The following NECTIN3 variants were observed in gnomAD, a reference collection of about 807,000 sequenced individuals.
NECTIN3 encodes the protein nectin cell adhesion molecule 3.
A neutral mutation model predicts 49.4 loss-of-function variants in NECTIN3; 8 were observed. The observed-to-expected ratio is 0.16, with a 90% CI of 0.10 to 0.29. The LOEUF (loss-of-function observed/expected upper bound fraction) is 0.29, where lower values mean the gene tolerates loss of function less well. NECTIN3 is among the 10% of genes least tolerant of loss of function. NECTIN3 has a pLI of 1.00. For missense variants in NECTIN3, 581 were observed against 654.6 expected, an observed-to-expected ratio of 0.89 and a Z score of 1.23; for synonymous variants, 277 against 241.1, an observed-to-expected ratio of 1.15 and a Z score of -1.38.
In NECTIN3 at chr3:111,154,681, C is replaced by G. The variant is rs114511898; in HGVS notation, c.1221+7197C>G. ...TCAGACATTAAAAATTTTAGATATT[C>G]TAATAGTTGTGTGGTTGTGTTTTAT... On this transcript the variant is annotated intron_variant, in intron 7 of 8. Transcript: ENST00000493615. Among the ~76,000 whole-genome samples, 684 of 152,172 alleles carry G rather than the reference C, an allele frequency of 4.5e-3. 6 individuals carry two copies. The highest frequency in any genetic ancestry group is 0.016 in the African/African-American group (661 of 41,514).
At position 111,165,278 on chromosome 3, in the gene NECTIN3, C is replaced by T. The variant is rs562137408; in HGVS notation, c.1221+17794C>T. ...CAGGATGGTCTCGATCTCCTGACCTCGTGATCCGCCCACCTCGGCCTCCCA... is the reference window on the plus strand; with the variant it reads ...CAGGATGGTCTCGATCTCCTGACCTTGTGATCCGCCCACCTCGGCCTCCCA... On this transcript the variant is annotated intron_variant, in intron 7 of 8. Transcript: ENST00000493615. 4.6e-5 allele frequency among the ~76,000 whole-genome samples: 7 copies of T among 152,112 alleles called. 1 individual carries two copies. In the South Asian group the frequency reaches 6.2e-4, roughly 14 times the overall value.
downstream of NECTIN3, among the ~76,000 whole-genome samples, chr3:111,138,138 TTAC>T (rs2034646087): frequency 6.6e-6 from 1 of 151,742 alleles, no homozygotes; most frequent in African/African-American, 2.4e-5. Context: ...TGTTTTTTAC[TTAC>T]TACTTTTTGT....
intron 5 of NECTIN3, among the ~76,000 whole-genome samples, chr3:111,144,353 T>C (rs2034823020): frequency 6.6e-6 from 1 of 151,980 alleles, no homozygotes; most frequent in South Asian, 2.1e-4. Context: ...TTAAGGGAAA[T>C]TTTGTGCAAG....
At chr3:111,108,830 G>C (rs2033327149) in intron 1 of NECTIN3, among the ~76,000 whole-genome samples, 1 of 152,124 alleles carries the variant, frequency 6.6e-6, no homozygotes, top group Non-Finnish European at 1.5e-5. Context: ...ACAGCACCAA[G>C]CTATTAATGA....
chr3:111,077,705 A>G (rs563414269), intron 1 of NECTIN3, among the ~76,000 whole-genome samples: 4 of 152,320 alleles, frequency 2.6e-5, no homozygotes, highest in East Asian at 3.9e-4. Context: ...GCTATTTATT[A>G]TAGCATTTTC....
chr3:111,116,807 T>A (rs1643925527), intron 2 of NECTIN3, among the ~76,000 whole-genome samples: 1 of 152,058 alleles, frequency 6.6e-6, no homozygotes, highest in Admixed American at 6.6e-5. Flanking sequence ...TACCATTACA[T>A]ACCTATCAGA....
In NECTIN3 at chr3:111,135,524, A is replaced by G. The variant is rs1324866173; in HGVS notation, c.*1309A>G. On this transcript the variant is annotated 3_prime_UTR_variant, in exon 6 of 6. Transcript: ENST00000485303. ...ATTGCTTCTACAGTGGAGGCTTACA[A>G]AATTATTGTGACAACTATTTTGAAG... The G allele has an allele frequency of 5.1e-6, 5 of 982,380 alleles. No homozygotes were observed. Among genetic ancestry groups the G allele is most frequent in the Non-Finnish European group, 6.0e-6 (5 of 827,282 alleles). 60.9% of individuals were successfully genotyped at this position (982,380 alleles called of 1,614,324 possible).
Position 111,134,838 on chromosome 3 carries a change from A to G in NECTIN3, c.*623A>G. 1.0e-6 allele frequency: 1 copy of G among 982,334 alleles called. No individual in the cohort carries two copies. The highest frequency in any genetic ancestry group is 1.2e-6 in the Non-Finnish European group (1 of 827,226). 60.9% of individuals were successfully genotyped at this position (982,334 alleles called of 1,614,324 possible). ...TACTGTAGAGTGGCTTTTCAAAGATATTTTGTTGCACTAAAACTGTGGTAG... is the reference window on the plus strand; with the variant it reads ...TACTGTAGAGTGGCTTTTCAAAGATGTTTTGTTGCACTAAAACTGTGGTAG... On this transcript the variant is annotated 3_prime_UTR_variant, in exon 6 of 6. Coordinates refer to ENST00000485303, the MANE Select transcript of NECTIN3 (RefSeq NM_015480.3).
At chr3:111,163,319 A>G (rs182207505) in intron 7 of NECTIN3, among the ~76,000 whole-genome samples, 1 of 152,176 alleles carries the variant, frequency 6.6e-6, no homozygotes, top group Non-Finnish European at 1.5e-5. Context: ...GTGTTACCAT[A>G]AGATCACTTC....
chr3:111,192,415 T>A lies in NECTIN3; in HGVS notation c.63+2T>A. Reference sequence around the variant, plus strand: ...GAAGTTGGCAATCTTCAGCACTCTGTAAGTAACTGTGTTGTCGGTATCAGC... The same window carrying A: ...GAAGTTGGCAATCTTCAGCACTCTGAAAGTAACTGTGTTGTCGGTATCAGC... On this transcript the variant is annotated splice_donor_variant, in intron 1 of 1. Transcript: ENST00000485506. LOFTEE classifies it high-confidence loss of function. The A allele has an allele frequency of 6.5e-7, 1 of 1,534,224 alleles. No individual in the cohort carries two copies. The highest frequency in any genetic ancestry group is 8.7e-7 in the Non-Finnish European group (1 of 1,145,194).
intron 7 of NECTIN3, among the ~76,000 whole-genome samples, chr3:111,147,950 T>C (rs2034915092): frequency 6.6e-6 from 1 of 152,228 alleles, no homozygotes; most frequent in Admixed American, 6.5e-5. Flanking sequence ...TGTGAAAGTA[T>C]TGATTCAGTG....
At chr3:111,079,055 A>G (rs1255134822) in intron 1 of NECTIN3, among the ~76,000 whole-genome samples, 2 of 152,124 alleles carry the variant, frequency 1.3e-5, no homozygotes, top group Non-Finnish European at 1.5e-5. Context: ...AGAACATTAT[A>G]TATAATGTCA....
intron 7 of NECTIN3, among the ~76,000 whole-genome samples, chr3:111,164,420 C>T (rs1387847620): frequency 6.6e-6 from 1 of 152,108 alleles, no homozygotes; most frequent in Non-Finnish European, 1.5e-5. Context: ...GGTTTCTTTC[C>T]TCATATTACT....
Position 111,128,729 on chromosome 3 carries a change from T to C in NECTIN3, c.1069+2394T>C, listed in dbSNP as rs1031654288. Reference sequence around the variant, plus strand: ...ATCAATACCAGCTCTTCCATTATGTTAAATATAGAATCTTAACAGTTCTTC... The same window carrying C: ...ATCAATACCAGCTCTTCCATTATGTCAAATATAGAATCTTAACAGTTCTTC... On this transcript the variant is annotated intron_variant, in intron 5 of 5. Coordinates refer to ENST00000485303, the MANE Select transcript of NECTIN3 (RefSeq NM_015480.3). Among the ~76,000 whole-genome samples the C allele has an allele frequency of 3.9e-5, 6 of 152,306 alleles. No individual in the cohort carries two copies. In the South Asian group the frequency reaches 1.2e-3, roughly 32 times the overall value.
In NECTIN3 at chr3:111,112,281, A is replaced by G. The variant is rs762409264; in HGVS notation, c.412A>G (p.Ile138Val). Residue 138 changes from isoleucine to valine, a missense_variant, in exon 2 of 6, where the codon ATA becomes GTA. By Grantham distance (29) the Ile-to-Val change is conservative. This residue lies in a region of NECTIN3 where 234 missense variants were observed against 340.6 expected (regional missense o/e 0.69). Transcript: ENST00000485303. ...LNDATITLHNIGFSDSGKYIC... is the reference protein window; with the variant it reads ...LNDATITLHNVGFSDSGKYIC... ...TGATGCAACAATTACTCTGCATAAC[A>G]TAGGATTCTCTGATTCTGGAAAATA... The G allele has an allele frequency of 6.2e-6, 10 of 1,613,714 alleles. No individual in the cohort carries two copies. The highest frequency in any genetic ancestry group is 8.5e-6 in the Non-Finnish European group (10 of 1,179,838).
Position 111,071,980 on chromosome 3 carries a change from G to A in NECTIN3, c.-38G>A. The A allele has an allele frequency of 7.2e-7, 1 of 1,388,118 alleles. No individual in the cohort carries two copies. The allele number at this position is 1,388,118 out of a possible 1,614,324, so 86.0% of individuals were successfully genotyped here. A position where few individuals can be genotyped will look rare whatever the true frequency, so the allele number is the denominator to read the frequency against. On this transcript the variant is annotated 5_prime_UTR_variant, in exon 1 of 6. Coordinates refer to ENST00000485303, the MANE Select transcript of NECTIN3 (RefSeq NM_015480.3). ...GAGGCGCCGGGGCCGGGGGAGCCGGGGGGCGGGCGGGCGAGCGGGCCGGGG... is the reference window on the plus strand; with the variant it reads ...GAGGCGCCGGGGCCGGGGGAGCCGGAGGGCGGGCGGGCGAGCGGGCCGGGG...
intron 7 of NECTIN3, among the ~76,000 whole-genome samples, chr3:111,165,332 C>T (rs758412106): frequency 1.2e-4 from 18 of 152,082 alleles, no homozygotes; most frequent in African/African-American, 2.2e-4. Context: ...CATGAGCCAC[C>T]GTGCCCGGCC....
chr3:111,111,109 G>A (rs2107447406), intron 1 of NECTIN3, among the ~76,000 whole-genome samples: 1 of 152,042 alleles, frequency 6.6e-6, no homozygotes, highest in Non-Finnish European at 1.5e-5. Flanking sequence ...CATTTATTTT[G>A]TTAGAGAACA....
chr3:111,158,508 C>A (rs564871897), intron 7 of NECTIN3, among the ~76,000 whole-genome samples: 79 of 152,174 alleles, frequency 5.2e-4, no homozygotes, highest in African/African-American at 1.8e-3. Flanking sequence ...ATGGAAACCA[C>A]AAATACCTTT....
Sources: allele counts gnomAD v4.1 joint callset (sites outside exome capture counted in the v4.1 genomes callset), GRCh38; gene constraint gnomAD v4.1.1; regional missense constraint gnomAD v4.1.1; transcripts MANE v1.5; gene names NCBI Gene and HGNC (gene_info 2026-07-23, HGNC 2026-07-21).